The following TTC28 variants were observed in gnomAD, a reference collection of about 807,000 sequenced individuals.
TTC28 encodes the protein tetratricopeptide repeat domain 28.
A neutral mutation model predicts 198.0 loss-of-function variants in TTC28; 61 were observed. That is an observed-to-expected ratio of 0.31 (90% confidence interval 0.25 to 0.38). The LOEUF is 0.38. TTC28 is among the 10% of genes least tolerant of loss of function. TTC28 has a pLI of 1.00. For missense variants in TTC28, 2,678 were observed against 3,164.0 expected (o/e 0.85, Z 3.69); for synonymous variants, 1,171 against 1,297.8 (o/e 0.90, Z 2.10).
At chr22:28,542,682 C>T (rs2145935866) in intron 2 of TTC28, among the ~76,000 whole-genome samples, 1 of 152,106 alleles carries the variant, frequency 6.6e-6, no homozygotes, top group Admixed American at 6.5e-5. Context: ...CTTTAGTAAT[C>T]TAAGAGTCAA....
Position 27,992,569 on chromosome 22 carries a change from C to T in TTC28, c.5553+18G>A. On this transcript the variant is annotated intron_variant, in intron 19 of 22. Coordinates refer to ENST00000397906, the MANE Select transcript of TTC28 (RefSeq NM_001145418.2). ...CATGGGCCTCAGGCCCTGGCTCAGC[C>T]CTCCAGGCTCGACTTACCCGGCTGA... is the stretch of plus-strand genomic sequence containing the variant. The T allele has an allele frequency of 2.6e-6, 4 of 1,550,846 alleles. No homozygotes were observed. The highest frequency in any genetic ancestry group is 3.5e-6 in the Non-Finnish European group (4 of 1,146,830).
intron 3 of TTC28, among the ~76,000 whole-genome samples, chr22:28,299,829 G>A (rs2044981571): frequency 6.6e-6 from 1 of 152,170 alleles, no homozygotes; most frequent in Non-Finnish European, 1.5e-5. Context: ...AGGGCTCTAA[G>A]CCCAGGTTCT....
chr22:28,339,139 C>T (rs134497), intron 2 of TTC28, among the ~76,000 whole-genome samples: 146,424 of 152,314 alleles, frequency 0.96, 70,453 homozygotes, highest in East Asian at 0.99. Flanking sequence ...TGGAGGTCCA[C>T]TCCAGGCCCT....
intron 5 of TTC28, among the ~76,000 whole-genome samples, chr22:28,294,709 C>T (rs1363114976): frequency 6.6e-6 from 1 of 152,074 alleles, no homozygotes; most frequent in Non-Finnish European, 1.5e-5. Flanking sequence ...GCTGGGATTA[C>T]AGGCACCCGC....
chr22:28,207,636 A>G (rs1399685805), intron 5 of TTC28, among the ~76,000 whole-genome samples: 2 of 152,154 alleles, frequency 1.3e-5, no homozygotes, highest in Non-Finnish European at 2.9e-5. Context: ...TAAACTCAGT[A>G]TTAGAACCAT....
At chr22:28,182,414 G>A (rs1923784663) in intron 5 of TTC28, among the ~76,000 whole-genome samples, 1 of 152,050 alleles carries the variant, frequency 6.6e-6, no homozygotes, top group Non-Finnish European at 1.5e-5. Context: ...GGCTTTGGCA[G>A]GGCAGGATAT....
Position 28,473,105 on chromosome 22 carries a change from T to C in TTC28, c.381+156447A>G, listed in dbSNP as rs2048119944. Among the ~76,000 whole-genome samples, 3 of 152,270 alleles carry C rather than the reference T, an allele frequency of 2.0e-5. No homozygotes were observed. The South Asian group carries it at 6.2e-4, about 32-fold the overall frequency. On this transcript the variant is annotated intron_variant, in intron 2 of 22. Coordinates refer to ENST00000397906, the MANE Select transcript of TTC28 (RefSeq NM_001145418.2). ...AATAAAAAGAGAAGGTGGCTCATAA[T>C]TATTCTTATAAACACGAGGATTTCT... is the stretch of plus-strand genomic sequence containing the variant.
chr22:28,254,335 C>T (rs982378352), intron 5 of TTC28, among the ~76,000 whole-genome samples: 4 of 151,920 alleles, frequency 2.6e-5, no homozygotes, highest in African/African-American at 9.7e-5. Context: ...TGGAAAAGAA[C>T]ATAAACTTGA....
At chr22:28,110,135 T>TCAGGG (rs1382537358) in intron 6 of TTC28, among the ~76,000 whole-genome samples, 6 of 152,132 alleles carry the variant, frequency 3.9e-5, no homozygotes, top group Non-Finnish European at 8.8e-5. Context: ...AAGGCTGAAG[T>TCAGGG]CAGGGCAGGG....
At chr22:28,586,246 T>G (rs904350585) in intron 2 of TTC28, among the ~76,000 whole-genome samples, 3 of 148,328 alleles carry the variant, frequency 2.0e-5, no homozygotes, top group Admixed American at 1.4e-4. Context: ...ACCACTACAT[T>G]CCAGCCTGGG....
chr22:28,309,346 A>G (rs778714289), intron 2 of TTC28, among the ~76,000 whole-genome samples: 4 of 152,210 alleles, frequency 2.6e-5, no homozygotes, highest in Admixed American at 6.5e-5. Context: ...AAGAAACTAT[A>G]TAATTGAGAA....
At chr22:28,600,744 ACAAGTCTGCAAAATTCTTCATAAAAC>A in intron 2 of TTC28, among the ~76,000 whole-genome samples, 1 of 152,346 alleles carries the variant, frequency 6.6e-6, no homozygotes, top group East Asian at 1.9e-4. Flanking sequence ...AAGAGGGCGC[ACAAGTCTGCAAAATTCTTCATAAAAC>A]CAAAGGCAAA....
intron 2 of TTC28, among the ~76,000 whole-genome samples, chr22:28,351,200 C>T (rs2045991049): frequency 6.6e-6 from 1 of 151,814 alleles, no homozygotes. Context: ...AAAAAAGAAA[C>T]ACTTCTCCAG....
intron 6 of TTC28, among the ~76,000 whole-genome samples, chr22:28,111,666 T>C (rs1170894540): frequency 6.6e-6 from 1 of 152,192 alleles, no homozygotes; most frequent in Non-Finnish European, 1.5e-5. Flanking sequence ...GGGAGGGCAG[T>C]AGGAGTGCCC....
intron 5 of TTC28, among the ~76,000 whole-genome samples, chr22:28,188,051 T>C (rs1020674383): frequency 6.6e-6 from 1 of 152,102 alleles, no homozygotes; most frequent in Non-Finnish European, 1.5e-5. Context: ...AATATAAAAA[T>C]AAACGAGACA....
At chr22:28,294,042 A>G (rs867285552) in intron 5 of TTC28, among the ~76,000 whole-genome samples, 1 of 152,214 alleles carries the variant, frequency 6.6e-6, no homozygotes, top group African/African-American at 2.4e-5. Context: ...TGGTAGCTGG[A>G]CATACTCTCC....
At chr22:28,281,252 T>C (rs1313810681) in intron 5 of TTC28, among the ~76,000 whole-genome samples, 2 of 152,162 alleles carry the variant, frequency 1.3e-5, no homozygotes, top group African/African-American at 4.8e-5. Context: ...CCATTTGATA[T>C]TGTCCCATAA....
At chr22:28,036,517 C>T (rs1434782396) in intron 12 of TTC28, among the ~76,000 whole-genome samples, 1 of 152,164 alleles carries the variant, frequency 6.6e-6, no homozygotes, top group Non-Finnish European at 1.5e-5. Flanking sequence ...ACATTTAAAG[C>T]AGTGTGTAGA....
At chr22:28,347,612 C>T (rs1165081989) in intron 2 of TTC28, among the ~76,000 whole-genome samples, 1 of 152,214 alleles carries the variant, frequency 6.6e-6, no homozygotes, top group East Asian at 1.9e-4. Context: ...TGGCTCATGC[C>T]TGTAATCCCA....
Sources: allele counts gnomAD v4.1 joint callset (sites outside exome capture counted in the v4.1 genomes callset), GRCh38; gene constraint gnomAD v4.1.1; transcripts MANE v1.5; gene names NCBI Gene and HGNC (gene_info 2026-07-23, HGNC 2026-07-21).